Variants in FER observed in about 807,000 individuals in gnomAD.
FER encodes the protein tyrosine-protein kinase Fer.
In FER, 63 loss-of-function variants were observed where a neutral mutation model predicts 111.0. That is an observed-to-expected ratio of 0.57 (90% CI 0.46 to 0.70). The LOEUF is 0.70. Among genes scored for constraint, FER ranks in the 30% least tolerant of loss-of-function variants. FER has a pLI of 0.00. For synonymous variants in FER, 327 were observed against 313.9 expected, an observed-to-expected ratio of 1.04 and a Z score of -0.44; for missense variants, 914 against 954.0, an observed-to-expected ratio of 0.96 and a Z score of 0.55.
At chr5:108,906,563 G>A (rs920914483) in intron 10 of FER, among the ~76,000 whole-genome samples, 4 of 151,834 alleles carry the variant, frequency 2.6e-5, no homozygotes, top group African/African-American at 9.7e-5. Flanking sequence ...TATTTTTAGT[G>A]TTACTAGTTT....
intron 10 of FER, among the ~76,000 whole-genome samples, chr5:108,919,815 G>A (rs1752793058): frequency 6.6e-6 from 1 of 152,088 alleles, no homozygotes; most frequent in Admixed American, 6.5e-5. Flanking sequence ...TAATCAGAGG[G>A]ACTTTAGTTC....
At chr5:109,154,846 G>A (rs1440854163) in intron 17 of FER, among the ~76,000 whole-genome samples, 3 of 151,826 alleles carry the variant, frequency 2.0e-5, no homozygotes, top group Non-Finnish European at 4.4e-5. Context: ...GCTAAGAAAA[G>A]TTAGACATAC....
rs1450152465 is a variant in FER at position 109,146,252 on chromosome 5, TAATATA to T, written c.2049-34494_2049-34489del. Among the ~76,000 whole-genome samples the T allele has an allele frequency of 4.2e-4, 20 of 47,642 alleles. 1 individual carries two copies. Among genetic ancestry groups the T allele is most frequent in the Non-Finnish European group, 5.7e-4 (14 of 24,352 alleles). 31.3% of individuals were successfully genotyped at this position (47,642 alleles called of 152,430 possible). On this transcript the variant is annotated intron_variant, in intron 17 of 19. Transcript: ENST00000281092. ...CTATCTAATATATATATAATCTATCTAATATATATATATATATATATATATATATAT... is the reference window on the plus strand; with the variant it reads ...CTATCTAATATATATATAATCTATCTTATATATATATATATATATATATAT...
intron 10 of FER, among the ~76,000 whole-genome samples, chr5:108,904,627 C>T (rs1442061287): frequency 6.6e-6 from 1 of 152,132 alleles, no homozygotes; most frequent in Non-Finnish European, 1.5e-5. Context: ...GACATTTTTA[C>T]ATGGTTTTCA....
Position 108,819,232 on chromosome 5 carries a change from A to G in FER, c.208-13538A>G, listed in dbSNP as rs373081144. On this transcript the variant is annotated intron_variant, in intron 3 of 19. Transcript: ENST00000281092. ...GAGCTGGGATCTGACTCTTTTGCCC[A>G]CGCTCGTCTTGAACTTTTGGGCTCA... is the stretch of plus-strand genomic sequence containing the variant. Among the ~76,000 whole-genome samples the G allele has an allele frequency of 3.4e-3, 474 of 139,352 alleles. 1 individual carries two copies. Among genetic ancestry groups the G allele is most frequent in the African/African-American group, 0.012 (453 of 36,510 alleles). 91.4% of individuals were successfully genotyped at this position (139,352 alleles called of 152,430 possible).
chr5:109,021,210 T>C (rs1388124911), intron 13 of FER, among the ~76,000 whole-genome samples: 2 of 151,990 alleles, frequency 1.3e-5, no homozygotes, highest in African/African-American at 4.8e-5. Context: ...TTAATAAATT[T>C]AGATTTTAGC....
chr5:109,056,710 GT>G (rs1773695657), intron 16 of FER, among the ~76,000 whole-genome samples: 1 of 152,074 alleles, frequency 6.6e-6, no homozygotes, highest in African/African-American at 2.4e-5. Context: ...AATGAGTAGA[GT>G]TTAGCTGTTC....
intron 17 of FER, among the ~76,000 whole-genome samples, chr5:109,166,491 G>C (rs1756573339): frequency 6.6e-6 from 1 of 152,066 alleles, no homozygotes; most frequent in African/African-American, 2.4e-5. Flanking sequence ...TCTTACTGTT[G>C]AGCTATCATT....
intron 1 of FER, among the ~76,000 whole-genome samples, chr5:108,759,949 C>T (rs745646669): frequency 2.0e-5 from 3 of 152,220 alleles, no homozygotes; most frequent in Non-Finnish European, 4.4e-5. Context: ...AGAGATATCT[C>T]ATCCATAATA....
At chr5:108,897,951 G>C in intron 10 of FER, 103 bp downstream of exon 10, 1 of 1,072,852 alleles carries the variant, frequency 9.3e-7, no homozygotes, top group Non-Finnish European at 1.3e-6. Context: ...TGTTACTCTT[G>C]TTAATATGCA....
intron 11 of FER, among the ~76,000 whole-genome samples, chr5:108,953,555 G>T (rs1249289512): frequency 6.6e-6 from 1 of 151,502 alleles, no homozygotes; most frequent in Non-Finnish European, 1.5e-5. Context: ...AACAGAATGA[G>T]TTTGGATAAC....
intron 2 of FER, among the ~76,000 whole-genome samples, chr5:108,780,067 C>T (rs1753888269): frequency 6.6e-6 from 1 of 152,070 alleles, no homozygotes; most frequent in South Asian, 2.1e-4. Flanking sequence ...GAGAAAAACA[C>T]ATAAGCATAC....
At position 108,775,398 on chromosome 5, in the gene FER, G is replaced by T. The variant is rs190006772; in HGVS notation, c.-60+7160G>T. On this transcript the variant is annotated intron_variant, in intron 2 of 19. Transcript: ENST00000281092. ...TTTTATTCATCTTTGTATCCCTTAC[G>T]ATTATCTGTCACATGATTCCCTAAT... Among the ~76,000 whole-genome samples, 4 of 152,124 alleles carry T rather than the reference G, an allele frequency of 2.6e-5. No homozygotes were observed. In the East Asian group the frequency reaches 7.7e-4, roughly 29 times the overall value.
chr5:109,094,324 A>C (rs761133351), intron 16 of FER, among the ~76,000 whole-genome samples: 1 of 152,166 alleles, frequency 6.6e-6, no homozygotes, highest in Non-Finnish European at 1.5e-5. Flanking sequence ...GGAATAATTG[A>C]GTAATACAGA....
intron 13 of FER, among the ~76,000 whole-genome samples, chr5:109,013,929 G>A (rs1766670620): frequency 6.6e-6 from 1 of 151,960 alleles, no homozygotes; most frequent in South Asian, 2.1e-4. Flanking sequence ...TGATGGGGTT[G>A]GTTCTTTTTT....
chr5:108,846,805 G>C (rs555196073), intron 5 of FER, among the ~76,000 whole-genome samples: 1 of 151,856 alleles, frequency 6.6e-6, no homozygotes, highest in Non-Finnish European at 1.5e-5. Flanking sequence ...TGATGGTCTC[G>C]ATCTCCTGAC....
chr5:109,069,339 G>A (rs1283499314), intron 16 of FER, among the ~76,000 whole-genome samples: 1 of 152,122 alleles, frequency 6.6e-6, no homozygotes, highest in African/African-American at 2.4e-5. Context: ...GAGATAATAA[G>A]AGATAGGCAA....
rs1335617164 is a variant in FER, at chr5:108,845,051, T to C, written c.481+9244T>C. Among the ~76,000 whole-genome samples the C allele has an allele frequency of 7.4e-3, 359 of 48,716 alleles. 8 individuals carry two copies. The highest frequency in any genetic ancestry group is 0.032 in the African/African-American group (342 of 10,750). The allele number at this position is 48,716 out of a possible 152,430, so 32.0% of individuals were successfully genotyped here. On this transcript the variant is annotated intron_variant, in intron 5 of 19. Coordinates refer to ENST00000281092, the MANE Select transcript of FER (RefSeq NM_005246.4). ...ATATATATATATATACATATATATA[T>C]ATATATATATATATATACACACACA...
At chr5:108,930,718 A>G (rs1754546229) in intron 10 of FER, among the ~76,000 whole-genome samples, 1 of 147,072 alleles carries the variant, frequency 6.8e-6, no homozygotes, top group South Asian at 2.2e-4. Flanking sequence ...AGTTCAAATG[A>G]TTCTCCTGCC....
Sources: allele counts gnomAD v4.1 joint callset (sites outside exome capture counted in the v4.1 genomes callset), GRCh38; gene constraint gnomAD v4.1.1; transcripts MANE v1.5; gene names NCBI Gene and HGNC (gene_info 2026-07-23, HGNC 2026-07-21).